The following ADORA2B variants were observed in gnomAD, a reference collection of about 807,000 sequenced individuals.
ADORA2B encodes adenosine A2b receptor.
In ADORA2B, 18 loss-of-function variants were observed where a neutral mutation model predicts 20.8. The observed-to-expected ratio is 0.87, with a 90% confidence interval of 0.60 to 1.29. ADORA2B has a LOEUF of 1.29. Ranked by LOEUF, ADORA2B falls within the 50% of genes most tolerant of loss-of-function variation. The pLI is 0.00. For synonymous variants in ADORA2B, 179 were observed against 178.3 expected (o/e 1.00, Z -0.03); for missense variants, 441 against 422.7 (o/e 1.04, Z -0.38).
At chr17:15,897,092 G>A in the ADORA2B span, among the ~76,000 whole-genome samples, 1 of 152,120 alleles carries the variant, frequency 6.6e-6, no homozygotes, top group African/African-American at 2.4e-5. Context: ...AGATGAAAAG[G>A]ATAGAAACAA....
the ADORA2B span, among the ~76,000 whole-genome samples, chr17:15,888,281 T>C: frequency 7.7e-6 from 1 of 129,784 alleles, no homozygotes; most frequent in Admixed American, 7.6e-5. Flanking sequence ...TGTTTGGGCA[T>C]GACTGCCATC....
chr17:15,856,702 C>A, the ADORA2B span, among the ~76,000 whole-genome samples: 2 of 152,202 alleles, frequency 1.3e-5, no homozygotes, highest in African/African-American at 4.8e-5. Flanking sequence ...GCAAAGGTCA[C>A]TCTTGCTGTC....
At chr17:15,888,852 T>A in the ADORA2B span, among the ~76,000 whole-genome samples, 75 of 19,578 alleles carry the variant, frequency 3.8e-3, no homozygotes, top group South Asian at 8.7e-3. Context: ...ATATATATAT[T>A]TTTTTTTTTT....
chr17:15,901,473 A>G, the ADORA2B span, among the ~76,000 whole-genome samples: 23 of 147,388 alleles, frequency 1.6e-4, 1 homozygote, highest in East Asian at 9.7e-4. Flanking sequence ...TCAAAAGAGA[A>G]AAAAAAAAAA....
At chr17:15,920,742 TG>T in the ADORA2B span, among the ~76,000 whole-genome samples, 1 of 149,988 alleles carries the variant, frequency 6.7e-6, no homozygotes, top group Non-Finnish European at 1.5e-5. Context: ...AAAAAAATGT[TG>T]ACTTTCCCCA....
the ADORA2B span, among the ~76,000 whole-genome samples, chr17:15,892,459 G>A: frequency 6.6e-6 from 1 of 150,826 alleles, no homozygotes; most frequent in South Asian, 2.1e-4. Context: ...GTTAGCCACC[G>A]TGCTCGGCCG....
At chr17:15,956,120 T>C (rs1001046111) in intron 1 of ADORA2B, among the ~76,000 whole-genome samples, 1 of 152,268 alleles carries the variant, frequency 6.6e-6, no homozygotes, top group Non-Finnish European at 1.5e-5. Context: ...TCGCTTTTTT[T>C]CCTTTGTTCT....
the ADORA2B span, among the ~76,000 whole-genome samples, chr17:15,933,580 A>AATTTT: frequency 0.21 from 31,966 of 151,946 alleles, 3,438 homozygotes; most frequent in African/African-American, 0.25. Context: ...TTGTTTTCTT[A>AATTTT]ATTTTAAGAT....
chr17:15,913,415 A>G, the ADORA2B span, among the ~76,000 whole-genome samples: 2 of 152,210 alleles, frequency 1.3e-5, no homozygotes, highest in Non-Finnish European at 2.9e-5. Flanking sequence ...CTGGTTTCAG[A>G]GCTGCAGTCA....
chr17:15,941,736 A>G (rs1026938401), upstream of ADORA2B, among the ~76,000 whole-genome samples: 2 of 151,742 alleles, frequency 1.3e-5, no homozygotes, highest in Non-Finnish European at 2.9e-5. Context: ...TTCAAAAAAA[A>G]AAAAAAAAAA....
At chr17:15,963,828 C>G (rs564187153) in intron 1 of ADORA2B, among the ~76,000 whole-genome samples, 7 of 152,316 alleles carry the variant, frequency 4.6e-5, no homozygotes, top group African/African-American at 1.7e-4. Flanking sequence ...CATTGCTCAT[C>G]TTTTGTTCTT....
At chr17:15,951,764 G>A (rs1295552729) in intron 1 of ADORA2B, among the ~76,000 whole-genome samples, 4 of 152,236 alleles carry the variant, frequency 2.6e-5, no homozygotes, top group African/African-American at 2.4e-5. Context: ...GTCATCAGGA[G>A]CACATGGGAA....
At chr17:15,904,164 G>A in the ADORA2B span, among the ~76,000 whole-genome samples, 1 of 152,010 alleles carries the variant, frequency 6.6e-6, no homozygotes, top group African/African-American at 2.4e-5. Context: ...GTTAAAAATA[G>A]AGACAGGGTC....
At chr17:15,876,449 C>CTTTTTTTTTTTTTTTTTTT in the ADORA2B span, among the ~76,000 whole-genome samples, 3 of 119,300 alleles carry the variant, frequency 2.5e-5, no homozygotes, top group Non-Finnish European at 3.5e-5. Flanking sequence ...TTTCTTTTTT[C>CTTTTTTTTTTTTTTTTTTT]TTTTTTTTTT....
the ADORA2B span, chr17:15,908,537 G>A: frequency 1.2e-5 from 2 of 171,588 alleles, no homozygotes; most frequent in Non-Finnish European, 2.7e-5. Context: ...CACTTCCCCT[G>A]CAGGAGCTCA....
chr17:15,916,943 A>G, the ADORA2B span, among the ~76,000 whole-genome samples: 1 of 152,194 alleles, frequency 6.6e-6, no homozygotes, highest in Non-Finnish European at 1.5e-5. Flanking sequence ...TCTGGCACCA[A>G]AGCCTGCACT....
chr17:15,858,218 T>C, the ADORA2B span, among the ~76,000 whole-genome samples: 1 of 152,180 alleles, frequency 6.6e-6, no homozygotes, highest in Non-Finnish European at 1.5e-5. Context: ...TTGTACGCTC[T>C]CATGAACAGT....
chr17:15,872,610 C>G, the ADORA2B span, among the ~76,000 whole-genome samples: 1 of 152,164 alleles, frequency 6.6e-6, no homozygotes. Context: ...ACAGATCTTT[C>G]ACCTCCTTGG....
intron 1 of ADORA2B, among the ~76,000 whole-genome samples, chr17:15,952,933 G>T (rs897642519): frequency 2.1e-4 from 32 of 152,392 alleles, no homozygotes; most frequent in African/African-American, 7.7e-4. Context: ...GCCACGGGCA[G>T]CGGGAACTCA....
Sources: gnomAD v4.1 joint callset for allele counts (sites outside exome capture counted in the v4.1 genomes callset) on GRCh38, gnomAD v4.1.1 for gene constraint, MANE v1.5 for transcripts, NCBI Gene and HGNC (gene_info 2026-07-23, HGNC 2026-07-21) for gene names.